The following TMEM268 variants were observed in gnomAD, a reference collection of about 807,000 sequenced individuals.
TMEM268 encodes the protein transmembrane protein C9orf91.
In TMEM268, 24 loss-of-function variants were observed where a neutral mutation model predicts 39.1. That is an observed-to-expected ratio of 0.61 (90% confidence interval 0.44 to 0.86). The LOEUF (loss-of-function observed/expected upper bound fraction) is 0.86, where lower values mean the gene tolerates loss of function less well. Ranked by LOEUF, TMEM268 falls within the 40% of genes least tolerant of loss-of-function variation. TMEM268 has a pLI of 0.00. For synonymous variants in TMEM268, 176 were observed against 173.5 expected (o/e 1.01, Z -0.12); for missense variants, 409 against 428.6 (o/e 0.95, Z 0.40).
At chr9:114,627,468 A>ATACATATAAACACT (rs1333861781) in intron 4 of TMEM268, among the ~76,000 whole-genome samples, 1 of 152,194 alleles carries the variant, frequency 6.6e-6, no homozygotes, top group East Asian at 1.9e-4. Flanking sequence ...AAACACTTAC[A>ATACATATAAACACT]TACATAAATG....
chr9:114,635,074 C>T (rs927818130), intron 6 of TMEM268, among the ~76,000 whole-genome samples: 3 of 152,138 alleles, frequency 2.0e-5, no homozygotes, highest in Admixed American at 2.0e-4. Context: ...GGCGTGGTGG[C>T]TCACATCTGT....
rs772359474 is a variant in TMEM268, at chr9:114,633,797, A to G, written c.504A>G (p.Ala168=). The G allele has an allele frequency of 1.2e-6, 2 of 1,603,180 alleles. No individual in the cohort carries two copies. The highest frequency in any genetic ancestry group is 2.2e-5 in the South Asian group (2 of 89,400). Residue 168 remains alanine (A), a synonymous_variant, in exon 6 of 9, where the codon GCA becomes GCG. Coordinates refer to ENST00000288502, the MANE Select transcript of TMEM268 (RefSeq NM_153045.4). ...ACACCAACACGGACCTGAGGCTGGC[A>G]GCTGCCAATGGAGCCCTCCTGAGAC... ...KANTNTDLRL[A]AANGALLRHR...
chr9:114,643,221 C>A lies in TMEM268; in HGVS notation c.937C>A (p.Arg313=), dbSNP rs781589029. 6.2e-7 allele frequency: 1 copy of A among 1,614,138 alleles called. No homozygotes were observed. ...TSQLPQAMGT[R]HTNSPRIPCP... ...CCAGCTCCCTCAGGCAATGGGGACA[C>A]GACACACGAACTCTCCGAGAATTCC... The change falls in exon 9 of 9, where the codon CGA becomes AGA. Residue 313 remains arginine (R), a synonymous_variant. Transcript: ENST00000288502.
rs1589368457 is a variant in TMEM268, at chr9:114,645,616, C to T, written c.*2303C>T. 1 of 152,398 alleles carries T rather than the reference C, an allele frequency of 6.6e-6. No individual in the cohort carries two copies. The highest frequency in any genetic ancestry group is 1.9e-4 in the East Asian group (1 of 5,300). The allele number at this position is 152,398 out of a possible 1,614,324, so 9.4% of individuals were successfully genotyped here. A position where few individuals can be genotyped will look rare whatever the true frequency, so the allele number is the denominator to read the frequency against. On this transcript the variant is annotated 3_prime_UTR_variant, in exon 9 of 9. Transcript: ENST00000288502. ...TGAATGTGACCAATAGAAAGAAGCC[C>T]GTATTTCTCAGTCAGTCCTAGAACC...
intron 1 of TMEM268, chr9:114,615,510 T>C (rs1037281260): frequency 1.3e-5 from 2 of 152,870 alleles, no homozygotes; most frequent in African/African-American, 4.8e-5. Flanking sequence ...AACAAGGAGT[T>C]TGGTCTGTAA....
chr9:114,632,522 C>T (rs534878123), intron 5 of TMEM268, among the ~76,000 whole-genome samples: 1 of 152,310 alleles, frequency 6.6e-6, no homozygotes, highest in Non-Finnish European at 1.5e-5. Context: ...CCTCTTCTCC[C>T]CCACCTGTTT....
In TMEM268 at chr9:114,619,324, C is replaced by G. The variant is rs13291346; in HGVS notation, c.106+2023C>G. 3.9e-4 allele frequency among the ~76,000 whole-genome samples: 56 copies of G among 144,880 alleles called. 2 individuals carry two copies. Among genetic ancestry groups the G allele is most frequent in the Non-Finnish European group, 1.1e-4 (7 of 65,486 alleles). ...ACACACACACACACACACACACAGA[C>G]ACACACATTTTTCTTTGGTAGCTTT... On this transcript the variant is annotated intron_variant, in intron 2 of 8. Transcript: ENST00000288502.
intron 2 of TMEM268, among the ~76,000 whole-genome samples, chr9:114,620,084 G>A (rs10982331): frequency 0.24 from 36,734 of 151,594 alleles, 4,615 homozygotes; most frequent in Middle Eastern, 0.28. Context: ...GTGTGGTGGC[G>A]CACACCTGTA....
chr9:114,637,876 A>G (rs1326526028), intron 7 of TMEM268, among the ~76,000 whole-genome samples: 1 of 152,166 alleles, frequency 6.6e-6, no homozygotes, highest in Non-Finnish European at 1.5e-5. Context: ...CCCCGGCTGC[A>G]GTGAGTCTTG....
intron 2 of TMEM268, among the ~76,000 whole-genome samples, chr9:114,619,292 T>TGC (rs963938483): frequency 2.5e-4 from 23 of 92,478 alleles, no homozygotes; most frequent in African/African-American, 8.5e-4. Context: ...CGTGCACGCG[T>TGC]GCACACACAC....
Position 114,643,615 on chromosome 9 carries a change from C to A in TMEM268, c.*302C>A, listed in dbSNP as rs987616331. On this transcript the variant is annotated 3_prime_UTR_variant, in exon 9 of 9. Coordinates refer to ENST00000288502, the MANE Select transcript of TMEM268 (RefSeq NM_153045.4). Reference sequence around the variant, plus strand: ...TGGACACGTATGGAAAGACTGGACCCCCATTGCTTTCATTGTTCAGAGAAC... The same window carrying A: ...TGGACACGTATGGAAAGACTGGACCACCATTGCTTTCATTGTTCAGAGAAC... 1.5e-5 allele frequency: 4 copies of A among 265,156 alleles called. No homozygotes were observed. Among genetic ancestry groups the A allele is most frequent in the South Asian group, 9.5e-5 (1 of 10,566 alleles). 16.4% of individuals were successfully genotyped at this position (265,156 alleles called of 1,614,324 possible).
intron 6 of TMEM268, among the ~76,000 whole-genome samples, chr9:114,635,045 A>G (rs1235197777): frequency 6.6e-6 from 1 of 152,156 alleles, no homozygotes; most frequent in African/African-American, 2.4e-5. Context: ...GGATGGATAG[A>G]TGACTAAAGA....
At chr9:114,642,866 A>G (rs1168784732) in intron 8 of TMEM268, among the ~76,000 whole-genome samples, 2 of 152,028 alleles carry the variant, frequency 1.3e-5, no homozygotes, top group Non-Finnish European at 2.9e-5. Context: ...GCGTATTATT[A>G]TTGCCATTCA....
chr9:114,615,124 T>C (rs1382425452), intron 1 of TMEM268, among the ~76,000 whole-genome samples: 1 of 152,036 alleles, frequency 6.6e-6, no homozygotes, highest in African/African-American at 2.4e-5. Context: ...CTCAAACTCC[T>C]GACCTCAAGT....
chr9:114,632,052 C>T (rs532066539), intron 5 of TMEM268, among the ~76,000 whole-genome samples: 2 of 146,772 alleles, frequency 1.4e-5, no homozygotes, highest in Admixed American at 7.0e-5. Context: ...GAGCTGTGAT[C>T]GTACCACTGC....
At position 114,643,301 on chromosome 9, in the gene TMEM268, C is replaced by T. The variant is rs753279543; in HGVS notation, c.1017C>T (p.Phe339=). The T allele has an allele frequency of 1.2e-6, 2 of 1,614,074 alleles. No individual in the cohort carries two copies. The highest frequency in any genetic ancestry group is 4.5e-5 in the East Asian group (2 of 44,874). ...TCCTAGGCACAGGGTGCTGCCCGTTCCTGGCGAGGTGACCTAGGGATGAAG... is the reference window on the plus strand; with the variant it reads ...TCCTAGGCACAGGGTGCTGCCCGTTTCTGGCGAGGTGACCTAGGGATGAAG... ...AYILGTGCCP[F]LAR is the part of the protein sequence containing the mutation. Residue 339 remains phenylalanine, a synonymous_variant, in exon 9 of 9, where the codon TTC becomes TTT. Coordinates refer to ENST00000288502, the MANE Select transcript of TMEM268 (RefSeq NM_153045.4).
intron 2 of TMEM268, 107 bp from the exon 3 acceptor site, chr9:114,624,243 G>T (rs946986055): frequency 6.7e-7 from 1 of 1,501,744 alleles, no homozygotes; most frequent in Non-Finnish European, 8.9e-7. Flanking sequence ...TCCTTGTTGC[G>T]AGGAGGTTCT....
At chr9:114,620,385 C>T (rs1845901559) in intron 2 of TMEM268, among the ~76,000 whole-genome samples, 1 of 152,026 alleles carries the variant, frequency 6.6e-6, no homozygotes, top group Admixed American at 6.6e-5. Flanking sequence ...GCTGGGACGA[C>T]AGGCACGTGC....
rs907644557 is a variant in TMEM268, at chr9:114,637,090, A to T, written c.666+20A>T. ...CAAGAGGTAAGATATCTTCAGTGAA[A>T]AAACAAAACAAAAACCAGGAGGCCA... On this transcript the variant is annotated intron_variant, in intron 7 of 8. Transcript: ENST00000288502. 6.6e-7 allele frequency: 1 copy of T among 1,526,084 alleles called. No individual in the cohort carries two copies. Among genetic ancestry groups the T allele is most frequent in the Non-Finnish European group, 9.1e-7 (1 of 1,101,476 alleles). 94.5% of individuals were successfully genotyped at this position (1,526,084 alleles called of 1,614,324 possible).
Sources: gnomAD v4.1 joint callset for allele counts (sites outside exome capture counted in the v4.1 genomes callset) on GRCh38, gnomAD v4.1.1 for gene constraint, MANE v1.5 for transcripts, NCBI Gene and HGNC (gene_info 2026-07-23, HGNC 2026-07-21) for gene names.